FNDC8: variants seen among roughly 807,000 people sequenced by gnomAD.
FNDC8 encodes the protein fibronectin type III domain containing 8, also known as fibronectin type III domain-containing protein 8.
FNDC8 carries 23 observed loss-of-function variants against 24.8 expected under a neutral mutation model. The observed-to-expected ratio is 0.93, with a 90% CI of 0.67 to 1.31. The LOEUF is 1.31. Among genes scored for constraint, FNDC8 ranks in the 40% most tolerant of loss-of-function variants. The pLI, the probability that FNDC8 is intolerant of heterozygous loss-of-function variation, is 0.00. For missense variants in FNDC8, 371 were observed against 398.2 expected (o/e 0.93, Z 0.58); for synonymous variants, 158 against 165.3 (o/e 0.96, Z 0.34).
In FNDC8 at chr17:35,121,713, A is replaced by G. The variant is rs2091824792; in HGVS notation, c.20A>G (p.His7Arg). The change falls in exon 1 of 4, where the codon CAT becomes CGT. Residue 7 changes from histidine (H) to arginine (R), a missense_variant. Physicochemically the swap from His to Arg is conservative, Grantham distance 29 (BLOSUM62 0). Coordinates refer to ENST00000158009, the MANE Select transcript of FNDC8 (RefSeq NM_017559.4). MASEAL[H>R]QVGDGEEAVL... ...AATCAGATGGCATCAGAGGCACTCC[A>G]TCAAGTGGGAGATGGGGAGGAGGCT... 1.2e-6 allele frequency: 2 copies of G among 1,613,904 alleles called. No individual in the cohort carries two copies. The highest frequency in any genetic ancestry group is 1.7e-6 in the Non-Finnish European group (2 of 1,179,998).
At position 35,127,068 on chromosome 17, in the gene FNDC8, A is replaced by G. The variant is rs2091851866; in HGVS notation, c.236A>G (p.Asp79Gly). 6.3e-7 allele frequency: 1 copy of G among 1,598,492 alleles called. No individual in the cohort carries two copies. Among genetic ancestry groups the G allele is most frequent in the East Asian group, 2.2e-5 (1 of 44,478 alleles). The change falls in exon 2 of 4, where the codon GAC (aspartate) becomes GGC (glycine). Residue 79 changes from aspartate (D) to glycine (G), a missense_variant. Coordinates refer to ENST00000158009, the MANE Select transcript of FNDC8 (RefSeq NM_017559.4). ...LLKPLPVEDS[D>G]CSSDETSISA... ...AAGCCGCTGCCAGTAGAGGATTCAG[A>G]CTGCAGCTCTGATGAGACCAGCATC...
chr17:35,127,150 C>G lies in FNDC8; in HGVS notation c.318C>G (p.Asn106Lys). 1 of 1,614,242 alleles carries G rather than the reference C, an allele frequency of 6.2e-7. No individual in the cohort carries two copies. Among genetic ancestry groups the G allele is most frequent in the Non-Finnish European group, 8.5e-7 (1 of 1,180,044 alleles). The change falls in exon 2 of 4, where the codon AAC (asparagine) becomes AAG (lysine). Residue 106 changes from asparagine to lysine, a missense_variant. Coordinates refer to ENST00000158009, the MANE Select transcript of FNDC8 (RefSeq NM_017559.4). Reference protein sequence around the residue: ...NPIKLAVTQPNSSFFAGMLEG... With the variant: ...NPIKLAVTQPKSSFFAGMLEG... ...TCAAATTAGCTGTGACCCAGCCCAA[C>G]AGCAGCTTCTTTGCAGGGATGCTGG...
chr17:35,127,290 T>G lies in FNDC8; in HGVS notation c.458T>G (p.Leu153Arg). Residue 153 changes from leucine (L) to arginine (R), a missense_variant, in exon 2 of 4, where the codon CTG becomes CGG. Physicochemically the swap from Leu to Arg is moderately radical, Grantham distance 102 (BLOSUM62 -2). Coordinates refer to ENST00000158009, the MANE Select transcript of FNDC8 (RefSeq NM_017559.4). ...PSKSQMATRG[L>R]LDLDNPELET... ...AAGTCCCAGATGGCCACAAGGGGCC[T>G]GCTGGACCTTGACAACCCTGAGCTG... 6.2e-7 allele frequency: 1 copy of G among 1,614,114 alleles called. No homozygotes were observed. The highest frequency in any genetic ancestry group is 8.5e-7 in the Non-Finnish European group (1 of 1,179,984).
At chr17:35,123,782 A>G (rs1226477708) in intron 1 of FNDC8, among the ~76,000 whole-genome samples, 1 of 151,522 alleles carries the variant, frequency 6.6e-6, no homozygotes, top group Admixed American at 6.6e-5. Context: ...CAGATCAGGG[A>G]CCCTCAGCCC....
chr17:35,128,719 T>C (rs2091859250), intron 2 of FNDC8: 1 of 153,426 alleles, frequency 6.5e-6, no homozygotes, highest in African/African-American at 2.4e-5. Context: ...TGGATCCGGT[T>C]GGGGGGATGG....
At chr17:35,130,011 CGAA>C in intron 3 of FNDC8, 8 of 1,369,780 alleles carry the variant, frequency 5.8e-6, no homozygotes, top group South Asian at 1.8e-5. Context: ...TAAAGGGGGA[CGAA>C]GAAGGGAACA....
At chr17:35,128,491 G>T (rs1246033591) in intron 2 of FNDC8, among the ~76,000 whole-genome samples, 2 of 152,200 alleles carry the variant, frequency 1.3e-5, no homozygotes, top group Non-Finnish European at 2.9e-5. Flanking sequence ...GCCAGGCTTG[G>T]CAACCATTGT....
intron 1 of FNDC8, among the ~76,000 whole-genome samples, chr17:35,124,479 A>G (rs544929480): frequency 6.6e-6 from 1 of 151,888 alleles, no homozygotes; most frequent in Non-Finnish European, 1.5e-5. Flanking sequence ...GTGAGCTGAG[A>G]TCACGCCACT....
At chr17:35,129,971 G>C in intron 3 of FNDC8, 1 of 1,372,354 alleles carries the variant, frequency 7.3e-7, no homozygotes, top group Non-Finnish European at 9.4e-7. Context: ...GAAGTCAAGG[G>C]CATTGAAAGA....
Position 35,125,247 on chromosome 17 carries a change from G to T in FNDC8, c.210-1795G>T, listed in dbSNP as rs540212293. On this transcript the variant is annotated intron_variant, in intron 1 of 3. Transcript: ENST00000158009. Reference sequence around the variant, plus strand: ...GAGCCCAGGAGTTCGAAGTCAGCCTGGGCAACATGGCAAAACCCTGCATCT... The same window carrying T: ...GAGCCCAGGAGTTCGAAGTCAGCCTTGGCAACATGGCAAAACCCTGCATCT... Among the ~76,000 whole-genome samples the T allele has an allele frequency of 3.5e-4, 53 of 152,068 alleles. 1 individual carries two copies. Among genetic ancestry groups the T allele is most frequent in the African/African-American group, 1.3e-3 (52 of 41,468 alleles).
At position 35,129,523 on chromosome 17, in the gene FNDC8, G is replaced by C. The variant is rs774036183; in HGVS notation, c.687G>C (p.Lys229Asn). Residue 229 changes from lysine to asparagine, a missense_variant, in exon 3 of 4, where the codon AAG becomes AAC. Lys to Asn is a moderately conservative substitution (Grantham distance 94, BLOSUM62 0). Coordinates refer to ENST00000158009, the MANE Select transcript of FNDC8 (RefSeq NM_017559.4). Reference sequence around the variant, plus strand: ...AGGAGAATGAGTTGCCCGAGGCAAAGAATCGTCCATGGATCTTCAACAAGA... The same window carrying C: ...AGGAGAATGAGTTGCCCGAGGCAAACAATCGTCCATGGATCTTCAACAAGA... ...KTQENELPEA[K>N]NRPWIFNKIL... is the part of the protein sequence containing the mutation. 6.2e-7 allele frequency: 1 copy of C among 1,614,210 alleles called. No individual in the cohort carries two copies. Among genetic ancestry groups the C allele is most frequent in the Non-Finnish European group, 8.5e-7 (1 of 1,180,046 alleles).
chr17:35,127,322 G>C lies in FNDC8; in HGVS notation c.490G>C (p.Glu164Gln), dbSNP rs1334974826. ...LDLDNPELET[E>Q]TSSTHSESSV... ...CCTTGACAACCCTGAGCTGGAGACA[G>C]AAACCTCCTCAACGCACTCAGAATC... The change falls in exon 2 of 4, where the codon GAA (glutamate) becomes CAA (glutamine). Residue 164 changes from glutamate (E) to glutamine (Q), a missense_variant. By Grantham distance (29) the Glu-to-Gln change is conservative. Transcript: ENST00000158009. The C allele has an allele frequency of 6.2e-7, 1 of 1,613,268 alleles. No homozygotes were observed. Among genetic ancestry groups the C allele is most frequent in the Non-Finnish European group, 8.5e-7 (1 of 1,179,658 alleles).
chr17:35,130,592 C>T lies in FNDC8; in HGVS notation c.*158C>T. On this transcript the variant is annotated 3_prime_UTR_variant, in exon 4 of 4. Transcript: ENST00000158009. ...CACCCCTGGGCTGGGGCCAAGGCTA[C>T]ATAGGGGCCCCATTCACCTGGAGGC... 1.7e-5 allele frequency: 13 copies of T among 767,338 alleles called. No homozygotes were observed. The highest frequency in any genetic ancestry group is 2.6e-5 in the Non-Finnish European group (13 of 492,548). 47.5% of individuals were successfully genotyped at this position (767,338 alleles called of 1,614,324 possible).
intron 1 of FNDC8, among the ~76,000 whole-genome samples, chr17:35,122,201 TATATATAAA>T (rs1187333848): frequency 2.0e-3 from 31 of 15,604 alleles, no homozygotes; most frequent in South Asian, 7.8e-3. Context: ...TATATATATA[TATATATAAA>T]TTTTTTTTTT....
At position 35,130,300 on chromosome 17, in the gene FNDC8, G is replaced by T. The variant is rs752598812; in HGVS notation, c.841G>T (p.Asp281Tyr). 1 of 1,613,954 alleles carries T rather than the reference G, an allele frequency of 6.2e-7. No individual in the cohort carries two copies. The highest frequency in any genetic ancestry group is 1.7e-5 in the Admixed American group (1 of 59,954). ...KPYKFATLATDFSSFPENYPI... is the reference protein window; with the variant it reads ...KPYKFATLATYFSSFPENYPI... ...ACTTCAGTTTGCAACCCTGGCCACTGACTTCAGCAGCTTTCCTGAGAACTA... is the reference window on the plus strand; with the variant it reads ...ACTTCAGTTTGCAACCCTGGCCACTTACTTCAGCAGCTTTCCTGAGAACTA... The change falls in exon 4 of 4, where the codon GAC becomes TAC. Residue 281 changes from aspartate (D) to tyrosine (Y), a missense_variant. By Grantham distance (160) the Asp-to-Tyr change is radical. Transcript: ENST00000158009.
Position 35,127,250 on chromosome 17 carries a change from T to C in FNDC8, c.418T>C (p.Cys140Arg). 6.2e-7 allele frequency: 1 copy of C among 1,613,932 alleles called. No homozygotes were observed. Among genetic ancestry groups the C allele is most frequent in the Non-Finnish European group, 8.5e-7 (1 of 1,179,880 alleles). ...AENEDLALGP[C>R]PCPSKSQMAT... The stretch of plus-strand genomic sequence containing the variant: ...AAATGAGGACCTGGCGCTCGGCCCC[T>C]GCCCATGCCCATCGAAGTCCCAGAT... The change falls in exon 2 of 4, where the codon TGC (cysteine) becomes CGC (arginine). Residue 140 changes from cysteine to arginine, a missense_variant. By Grantham distance (180) the Cys-to-Arg change is radical (BLOSUM62 -3). Coordinates refer to ENST00000158009, the MANE Select transcript of FNDC8 (RefSeq NM_017559.4).
At chr17:35,129,930 A>G in intron 3 of FNDC8, 1 of 1,384,600 alleles carries the variant, frequency 7.2e-7, no homozygotes, top group Non-Finnish European at 9.4e-7. Flanking sequence ...TAGACTCTGC[A>G]ATTCAGTGCC....
chr17:35,128,749 T>G (rs926143565), intron 2 of FNDC8: 1 of 153,886 alleles, frequency 6.5e-6, no homozygotes, highest in Non-Finnish European at 1.4e-5. Flanking sequence ...GAGTCAAGCA[T>G]ATTACATTTA....
chr17:35,122,632 C>G (rs1000053048), intron 1 of FNDC8, among the ~76,000 whole-genome samples: 6 of 152,080 alleles, frequency 3.9e-5, no homozygotes, highest in African/African-American at 1.4e-4. Flanking sequence ...CTTCCTCAAC[C>G]CTCTCTCTTT....
Sources: allele counts gnomAD v4.1 joint callset (sites outside exome capture counted in the v4.1 genomes callset), GRCh38; gene constraint gnomAD v4.1.1; transcripts MANE v1.5; gene names NCBI Gene and HGNC (gene_info 2026-07-23, HGNC 2026-07-21).